Variants in DNAH7 observed in about 807,000 individuals in gnomAD.
The protein encoded by DNAH7 is axonemal beta dynein heavy chain 7.
In DNAH7, 397 loss-of-function variants were observed where a neutral mutation model predicts 444.6. That is an observed-to-expected ratio of 0.89 (90% CI 0.82 to 0.97). The LOEUF (loss-of-function observed/expected upper bound fraction) is 0.97, where lower values mean the gene tolerates loss of function less well. Ranked by LOEUF, DNAH7 falls within the 50% of genes least tolerant of loss-of-function variation. The pLI, the probability that DNAH7 is intolerant of heterozygous loss-of-function variation, is 0.00. For synonymous variants in DNAH7, 1,636 were observed against 1,624.4 expected (o/e 1.01, Z -0.17); for missense variants, 4,902 against 4,800.8 (o/e 1.02, Z -0.62).
chr2:195,778,937 G>A (rs1695240929), intron 58 of DNAH7, among the ~76,000 whole-genome samples: 1 of 150,082 alleles, frequency 6.7e-6, no homozygotes, highest in South Asian at 2.1e-4. Flanking sequence ...TCCACCTCCC[G>A]GGTTCAAGCA....
At chr2:196,002,325 T>C (rs965649657) in intron 10 of DNAH7, among the ~76,000 whole-genome samples, 1 of 152,188 alleles carries the variant, frequency 6.6e-6, no homozygotes, top group African/African-American at 2.4e-5. Context: ...TTGAAAACAA[T>C]TTACAAATCA....
chr2:195,745,440 T>A (rs552699005), intron 63 of DNAH7, among the ~76,000 whole-genome samples: 1 of 152,194 alleles, frequency 6.6e-6, no homozygotes, highest in Non-Finnish European at 1.5e-5. Flanking sequence ...TGCAGGATGT[T>A]ATCCAGGAGA....
intron 63 of DNAH7, 32 bp from the exon 64 acceptor site, chr2:195,740,901 C>A (rs748468173): frequency 1.5e-6 from 2 of 1,329,784 alleles, no homozygotes; most frequent in Non-Finnish European, 1.0e-6. Context: ...TAATATAACA[C>A]TTGAAATATG....
At chr2:195,986,705 C>T (rs1197997011) in intron 14 of DNAH7, among the ~76,000 whole-genome samples, 1 of 152,106 alleles carries the variant, frequency 6.6e-6, no homozygotes, top group African/African-American at 2.4e-5. Context: ...ATGTGATGGT[C>T]CCTTAGGACC....
At chr2:195,995,866 G>GCTATTCAGGGT (rs1693664179) in intron 12 of DNAH7, among the ~76,000 whole-genome samples, 1 of 152,160 alleles carries the variant, frequency 6.6e-6, no homozygotes, top group Admixed American at 6.5e-5. Context: ...GATTGCTTTG[G>GCTATTCAGGGT]CTATTCAGGG....
intron 61 of DNAH7, among the ~76,000 whole-genome samples, chr2:195,767,370 T>C (rs190982786): frequency 6.9e-4 from 105 of 152,174 alleles, no homozygotes; most frequent in Non-Finnish European, 4.3e-4. Context: ...AAATGTTCCA[T>C]GTTAATTTGA....
chr2:195,871,759 G>GTC (rs1700711520), intron 40 of DNAH7, among the ~76,000 whole-genome samples: 2 of 83,700 alleles, frequency 2.4e-5, no homozygotes, highest in Admixed American at 2.0e-4. Context: ...GTGAAACCCC[G>GTC]TCTCTACTAA....
chr2:195,754,615 ATCCT>A, intron 62 of DNAH7, 101 bp from the exon 63 acceptor site: 13 of 1,183,208 alleles, frequency 1.1e-5, no homozygotes, highest in Non-Finnish European at 1.5e-5. Context: ...GGCTCAGGTG[ATCCT>A]CTCACCTCAG....
In DNAH7 at chr2:195,853,486, T is replaced by C. The variant is rs1248930730; in HGVS notation, c.8638A>G (p.Ile2880Val). 6.8e-6 allele frequency: 11 copies of C among 1,613,414 alleles called. No individual in the cohort carries two copies. The highest frequency in any genetic ancestry group is 9.3e-6 in the Non-Finnish European group (11 of 1,179,712). ...SKKLERAEQL[I>V]GGLGGEKTRW... Reference sequence around the variant, plus strand: ...GTTTTCTCACCTCCAAGGCCTCCAATCAACTGTTCAGCTCGTTCTAGTTTT... The same window carrying C: ...GTTTTCTCACCTCCAAGGCCTCCAACCAACTGTTCAGCTCGTTCTAGTTTT... Residue 2880 changes from isoleucine to valine, a missense_variant, in exon 46 of 65, where the codon ATT (isoleucine) becomes GTT (valine). Physicochemically the swap from Ile to Val is conservative, Grantham distance 29 (BLOSUM62 3). Transcript: ENST00000312428.
rs1431042473 is a variant in DNAH7 at position 196,001,710 on chromosome 2, T to C, written c.1138A>G (p.Met380Val). 6.3e-6 allele frequency: 10 copies of C among 1,592,696 alleles called. No homozygotes were observed. Among genetic ancestry groups the C allele is most frequent in the Non-Finnish European group, 7.7e-6 (9 of 1,170,226 alleles). Residue 380 changes from methionine (M) to valine (V), a missense_variant, in exon 11 of 65, where the codon ATG becomes GTG. Physicochemically the swap from Met to Val is conservative, Grantham distance 21 (BLOSUM62 1). Transcript: ENST00000312428. ...LQLQDLTLVS[M>V]QDFTDLIAQP... ...GCAATTAAGTCCGTGAAATCTTGCA[T>C]GGAGACTAAAGTGAGGTCCTGCAGC...
chr2:195,934,843 A>G (rs1362337685), intron 20 of DNAH7, 54 bp from the exon 21 acceptor site: 6 of 1,576,654 alleles, frequency 3.8e-6, no homozygotes, highest in Non-Finnish European at 4.3e-6. Flanking sequence ...AATTCTTTAC[A>G]CTCCAGAGTT....
At chr2:195,953,551 G>A (rs1333901560) in intron 19 of DNAH7, among the ~76,000 whole-genome samples, 2 of 152,160 alleles carry the variant, frequency 1.3e-5, no homozygotes, top group African/African-American at 4.8e-5. Flanking sequence ...CCCTTCCCAT[G>A]GGTGGTCTGT....
At chr2:195,817,893 G>T in intron 49 of DNAH7, 64 bp from the exon 50 acceptor site, 2 of 1,318,636 alleles carry the variant, frequency 1.5e-6, no homozygotes, top group Non-Finnish European at 2.0e-6. Flanking sequence ...CTGCTTTTAT[G>T]TGTCAAGTTC....
chr2:196,054,654 T>A (rs1170514578), intron 2 of DNAH7, among the ~76,000 whole-genome samples: 2 of 152,288 alleles, frequency 1.3e-5, no homozygotes, highest in Middle Eastern at 3.4e-3. Flanking sequence ...TTTGGCTGTG[T>A]CCCAACCCAA....
intron 5 of DNAH7, among the ~76,000 whole-genome samples, chr2:196,041,116 G>A (rs1696730591): frequency 6.6e-6 from 1 of 151,974 alleles, no homozygotes. Flanking sequence ...TTGTTAAAAT[G>A]TCCATACTGC....
intron 12 of DNAH7, among the ~76,000 whole-genome samples, chr2:195,998,303 G>A (rs1309220093): frequency 2.6e-5 from 4 of 152,032 alleles, no homozygotes; most frequent in South Asian, 2.1e-4. Flanking sequence ...GGCTGGGTGC[G>A]GTGGCTCATG....
rs763008664 is a variant in DNAH7, at chr2:195,934,566, A to T, written c.3471+25T>A. 3 of 1,601,674 alleles carry T rather than the reference A, an allele frequency of 1.9e-6. No individual in the cohort carries two copies. The African/African-American group carries it at 4.0e-5, about 22-fold the overall frequency. ...CATTCATATTCTAGCATCCTTTTCTAAAAATCATCAGTATAATCAGCTACC... is the reference window on the plus strand; with the variant it reads ...CATTCATATTCTAGCATCCTTTTCTTAAAATCATCAGTATAATCAGCTACC... On this transcript the variant is annotated intron_variant, in intron 21 of 64. Transcript: ENST00000312428.
chr2:196,019,405 T>A (rs980211664), intron 8 of DNAH7, 110 bp from the exon 9 acceptor site: 3 of 790,696 alleles, frequency 3.8e-6, no homozygotes, highest in Non-Finnish European at 5.3e-6. Flanking sequence ...GCTGTATCCC[T>A]CATCATAATA....
At chr2:196,038,711 G>A (rs1226158904) in intron 5 of DNAH7, among the ~76,000 whole-genome samples, 1 of 152,108 alleles carries the variant, frequency 6.6e-6, no homozygotes, top group Admixed American at 6.6e-5. Context: ...GTCCATGTGT[G>A]CCTTTACAGA....
Sources: gnomAD v4.1 joint callset for allele counts (sites outside exome capture counted in the v4.1 genomes callset) on GRCh38, gnomAD v4.1.1 for gene constraint, MANE v1.5 for transcripts, NCBI Gene and HGNC (gene_info 2026-07-23, HGNC 2026-07-21) for gene names.